NUP133: variants seen among roughly 807,000 people sequenced by gnomAD.
The protein encoded by NUP133 is nucleoporin 133.
A neutral mutation model predicts 146.2 loss-of-function variants in NUP133; 66 were observed. The observed-to-expected ratio is 0.45, with a 90% CI of 0.37 to 0.55. NUP133 has a LOEUF of 0.55. Ranked by LOEUF, NUP133 falls within the 20% of genes least tolerant of loss-of-function variation. The pLI, the probability that NUP133 is intolerant of heterozygous loss-of-function variation, is 0.00. For synonymous variants in NUP133, 521 were observed against 498.8 expected (o/e 1.04, Z -0.59); for missense variants, 1,277 against 1,374.8 (o/e 0.93, Z 1.12).
chr1:229,442,103 T>C (rs1660196774), intron 25 of NUP133, 63 bp from the exon 26 acceptor site: 2 of 1,477,806 alleles, frequency 1.4e-6, no homozygotes, highest in Admixed American at 2.6e-5. Context: ...TGAATTCTGA[T>C]GATTGATGAC....
intron 1 of NUP133, 60 bp downstream of exon 1, chr1:229,508,007 TC>T: frequency 4.3e-6 from 6 of 1,399,822 alleles, no homozygotes; most frequent in Non-Finnish European, 5.6e-6. Context: ...CAACAACCTA[TC>T]CGGCCCACTG....
chr1:229,507,850 G>C, intron 1 of NUP133: 1 of 906,570 alleles, frequency 1.1e-6, no homozygotes, highest in South Asian at 5.1e-5. Context: ...TCTGCACAAA[G>C]GTATCCATGA....
At chr1:229,506,012 T>C in intron 2 of NUP133, 28 bp downstream of exon 2, 2 of 1,302,326 alleles carry the variant, frequency 1.5e-6, no homozygotes, top group South Asian at 2.4e-5. Flanking sequence ...AAACTGCTAA[T>C]ATAGGTAAAT....
chr1:229,483,415 T>C (rs920487609), intron 12 of NUP133, among the ~76,000 whole-genome samples: 14 of 152,102 alleles, frequency 9.2e-5, no homozygotes, highest in African/African-American at 3.4e-4. Context: ...TTCTTTAATA[T>C]TACCAATAAA....
chr1:229,478,989 T>A (rs781336021), intron 12 of NUP133, among the ~76,000 whole-genome samples: 1 of 152,180 alleles, frequency 6.6e-6, no homozygotes, highest in Admixed American at 6.6e-5. Flanking sequence ...TGATGTACAG[T>A]AGTCCCCTCT....
At chr1:229,449,269 T>C in intron 23 of NUP133, 79 bp from the exon 24 acceptor site, 1 of 830,000 alleles carries the variant, frequency 1.2e-6, no homozygotes, top group South Asian at 1.6e-5. Context: ...ATTATGTTAA[T>C]ACTACATACA....
intron 12 of NUP133, among the ~76,000 whole-genome samples, chr1:229,481,651 A>G (rs1661214252): frequency 6.7e-6 from 1 of 149,854 alleles, no homozygotes; most frequent in Non-Finnish European, 1.5e-5. Flanking sequence ...GTGAGCCGAG[A>G]TCACACCACT....
intron 24 of NUP133, 84 bp downstream of exon 24, chr1:229,449,042 C>T (rs1660380578): frequency 2.9e-6 from 3 of 1,041,016 alleles, no homozygotes; most frequent in Non-Finnish European, 4.5e-6. Context: ...TCACAGAAGT[C>T]TTCTGTTATT....
intron 8 of NUP133, among the ~76,000 whole-genome samples, chr1:229,490,963 A>G (rs943493167): frequency 6.8e-6 from 1 of 146,386 alleles, no homozygotes; most frequent in African/African-American, 2.6e-5. Context: ...AAAAAAAAAG[A>G]AAAAAAAAAC....
intron 2 of NUP133, among the ~76,000 whole-genome samples, chr1:229,504,840 C>T (rs964390969): frequency 6.6e-6 from 1 of 152,084 alleles, no homozygotes. Context: ...AAATTGCATG[C>T]TGTTCTGGGT....
At chr1:229,490,217 C>T in intron 8 of NUP133, 115 bp from the exon 9 acceptor site, 2 of 872,526 alleles carry the variant, frequency 2.3e-6, no homozygotes, top group East Asian at 6.1e-5. Context: ...GGACACCTAT[C>T]CAAGAGAAAA....
intron 20 of NUP133, 103 bp downstream of exon 20, chr1:229,460,508 C>T: frequency 8.6e-7 from 1 of 1,159,882 alleles, no homozygotes; most frequent in Admixed American, 2.5e-5. Flanking sequence ...AACCCCTTCT[C>T]AGGTATATGA....
rs1660613877 is a variant in NUP133 at position 229,458,302 on chromosome 1, A to G, written c.2845-6T>C. 6.2e-7 allele frequency: 1 copy of G among 1,611,104 alleles called. No individual in the cohort carries two copies. Among genetic ancestry groups the G allele is most frequent in the South Asian group, 1.1e-5 (1 of 90,778 alleles). The stretch of plus-strand genomic sequence containing the variant: ...CCCAGAAGTGTTGCATGAGCCTACA[A>G]TAAAATATGCAAACCATCGTAAGAT... On this transcript the variant is annotated splice_region_variant and splice_polypyrimidine_tract_variant and intron_variant, in intron 20 of 25. Transcript: ENST00000261396.
intron 11 of NUP133, among the ~76,000 whole-genome samples, chr1:229,485,578 G>GA (rs1161905780): frequency 6.6e-6 from 1 of 152,008 alleles, no homozygotes; most frequent in East Asian, 1.9e-4. Context: ...TCATTACAAT[G>GA]AAAAAAATTT....
At chr1:229,498,345 C>A in intron 5 of NUP133, 39 bp from the exon 6 acceptor site, 5 of 1,389,948 alleles carry the variant, frequency 3.6e-6, no homozygotes, top group East Asian at 2.6e-5. Context: ...AGTTTAGCAT[C>A]GAATGCTAAG....
Position 229,487,454 on chromosome 1 carries a change from C to G in NUP133, c.1342+12G>C. On this transcript the variant is annotated intron_variant, in intron 10 of 25. Coordinates refer to ENST00000261396, the MANE Select transcript of NUP133 (RefSeq NM_018230.3). ...AGCTCACCAATCATGCTTTCTAAAA[C>G]TGCTACTGTACCTTGTGCATTAAAG... The G allele has an allele frequency of 6.2e-7, 1 of 1,605,944 alleles. No individual in the cohort carries two copies. Among genetic ancestry groups the G allele is most frequent in the Non-Finnish European group, 8.5e-7 (1 of 1,178,318 alleles).
intron 2 of NUP133, among the ~76,000 whole-genome samples, chr1:229,503,117 A>C (rs376988353): frequency 1.3e-5 from 2 of 151,976 alleles, no homozygotes; most frequent in Admixed American, 6.5e-5. Flanking sequence ...AATAGAAAAA[A>C]AAATTAGCCA....
At chr1:229,487,207 G>A (rs891348575) in intron 10 of NUP133, among the ~76,000 whole-genome samples, 2 of 152,058 alleles carry the variant, frequency 1.3e-5, no homozygotes, top group East Asian at 3.9e-4. Flanking sequence ...ACTTCTCTTG[G>A]CAATAGTTTT....
At chr1:229,505,516 A>T (rs996445153) in intron 2 of NUP133, among the ~76,000 whole-genome samples, 6 of 149,426 alleles carry the variant, frequency 4.0e-5, no homozygotes, top group African/African-American at 1.5e-4. Flanking sequence ...ATTGTGTTCA[A>T]ATGAACTCAT....
Sources: gnomAD v4.1 joint callset for allele counts (sites outside exome capture counted in the v4.1 genomes callset) on GRCh38, gnomAD v4.1.1 for gene constraint, MANE v1.5 for transcripts, NCBI Gene and HGNC (gene_info 2026-07-23, HGNC 2026-07-21) for gene names.